Variants in TDP1 observed in about 807,000 individuals in gnomAD.
TDP1 encodes tyr-DNA phosphodiesterase 1.
A neutral mutation model predicts 81.5 loss-of-function variants in TDP1; 64 were observed. The observed-to-expected ratio is 0.79, with a 90% CI of 0.64 to 0.97. The LOEUF (loss-of-function observed/expected upper bound fraction) is 0.97, where lower values mean the gene tolerates loss of function less well. TDP1 is among the 50% of genes least tolerant of loss of function. The pLI is 0.00. For missense variants in TDP1, 723 were observed against 743.8 expected (o/e 0.97, Z 0.33); for synonymous variants, 256 against 264.3 (o/e 0.97, Z 0.30).
intron 16 of TDP1, among the ~76,000 whole-genome samples, chr14:90,037,843 A>T (rs578047689): frequency 6.6e-6 from 1 of 152,226 alleles, no homozygotes; most frequent in African/African-American, 2.4e-5. Flanking sequence ...CAAAAGAGAA[A>T]GTTCATGCAT....
At chr14:90,023,555 T>C (rs558962607) in intron 15 of TDP1, among the ~76,000 whole-genome samples, 1 of 152,352 alleles carries the variant, frequency 6.6e-6, no homozygotes, top group Admixed American at 6.5e-5. Context: ...ATTTATACTA[T>C]TTAAAAGGTA....
intron 3 of TDP1, 140 bp downstream of exon 3, chr14:89,963,813 C>A: frequency 1.1e-6 from 1 of 909,074 alleles, no homozygotes; most frequent in Non-Finnish European, 1.8e-6. Context: ...AAATTCTTGA[C>A]AGGCAAGTGC....
intron 2 of TDP1, among the ~76,000 whole-genome samples, chr14:89,958,050 G>A (rs991299641): frequency 1.3e-5 from 2 of 152,212 alleles, no homozygotes; most frequent in Non-Finnish European, 2.9e-5. Flanking sequence ...CCAAGTGCTG[G>A]CCCAGTCACA....
intron 13 of TDP1, 140 bp from the exon 14 acceptor site, chr14:89,993,236 A>T: frequency 7.6e-7 from 1 of 1,318,074 alleles, no homozygotes. Flanking sequence ...GGAGTTTCAT[A>T]AAATCTCACA....
chr14:89,993,281 G>T, intron 13 of TDP1, 95 bp from the exon 14 acceptor site: 8 of 1,270,846 alleles, frequency 6.3e-6, no homozygotes, highest in Non-Finnish European at 7.7e-6. Context: ...TTGATTTTTA[G>T]ATAATAGGCT....
rs755551706 is a variant in TDP1 at position 89,963,119 on chromosome 14, C to T, written c.5C>T (p.Ser2Phe). M[S>F]QEGDYGRWTI... ...CTTTTCATTTCCAGGAGTATAATGT[C>T]TCAGGAAGGCGATTATGGGAGGTGG... Residue 2 changes from serine (S) to phenylalanine (F), a missense_variant, in exon 3 of 17, where the codon TCT (serine) becomes TTT (phenylalanine). Ser to Phe is a radical substitution (Grantham distance 155). Coordinates refer to ENST00000335725, the MANE Select transcript of TDP1 (RefSeq NM_018319.4). 9 of 1,613,794 alleles carry T rather than the reference C, an allele frequency of 5.6e-6. No homozygotes were observed. Among genetic ancestry groups the T allele is most frequent in the Non-Finnish European group, 5.1e-6 (6 of 1,179,982 alleles).
intron 14 of TDP1, among the ~76,000 whole-genome samples, chr14:89,999,151 A>G (rs2140165348): frequency 6.6e-6 from 1 of 152,320 alleles, no homozygotes; most frequent in South Asian, 2.1e-4. Flanking sequence ...ATTATAAGTT[A>G]TTTAATAACC....
intron 5 of TDP1, among the ~76,000 whole-genome samples, chr14:89,968,125 T>C (rs1893162426): frequency 6.6e-6 from 1 of 151,578 alleles, no homozygotes; most frequent in Admixed American, 6.6e-5. Context: ...GATAAAATGC[T>C]GTTAAAATTT....
chr14:90,016,365 C>T (rs181857654), intron 14 of TDP1, among the ~76,000 whole-genome samples: 264 of 152,264 alleles, frequency 1.7e-3, no homozygotes, highest in African/African-American at 6.0e-3. Context: ...ATTTTTATAA[C>T]TCATGCGTTG....
intron 11 of TDP1, 135 bp downstream of exon 11, chr14:89,989,225 G>C: frequency 7.1e-7 from 1 of 1,399,096 alleles, no homozygotes; most frequent in Non-Finnish European, 9.6e-7. Context: ...GCGGGGGCGG[G>C]GTGCGGAAAG....
rs77213463 is a variant in TDP1 at position 90,032,379 on chromosome 14, A to G, written c.1645-727A>G. On this transcript the variant is annotated intron_variant, in intron 15 of 16. Transcript: ENST00000335725. ...GATGGGTGGACAGAAGGAATGAGAG[A>G]CAGACGGACAAGCAGAATGCCAGGA... Among the ~76,000 whole-genome samples the G allele has an allele frequency of 5.1e-4, 77 of 152,150 alleles. No individual in the cohort carries two copies. In the East Asian group the frequency reaches 0.015, roughly 29 times the overall value.
At chr14:90,030,457 G>T (rs2140312100) in intron 15 of TDP1, among the ~76,000 whole-genome samples, 1 of 152,244 alleles carries the variant, frequency 6.6e-6, no homozygotes, top group African/African-American at 2.4e-5. Context: ...TAGAAGAAGG[G>T]CACTTCTTCC....
At chr14:89,967,332 C>G (rs1194746237) in intron 4 of TDP1, 35 bp from the exon 5 acceptor site, 10 of 1,603,542 alleles carry the variant, frequency 6.2e-6, no homozygotes, top group Admixed American at 3.3e-5. Context: ...GCAGAATTAC[C>G]TATGGCTTAG....
At chr14:89,964,480 AC>A (rs1892701874) in intron 3 of TDP1, among the ~76,000 whole-genome samples, 1 of 152,246 alleles carries the variant, frequency 6.6e-6, no homozygotes, top group African/African-American at 2.4e-5. Flanking sequence ...TAATATATTC[AC>A]ATGGCAGATA....
In TDP1 at chr14:89,967,138, GGAACCT is replaced by G. The variant is rs1041478066; in HGVS notation, c.604-227_604-222del. 1.0e-5 allele frequency: 10 copies of G among 984,328 alleles called. No individual in the cohort carries two copies. The African/African-American group carries it at 1.4e-4, about 14-fold the overall frequency. 61.0% of individuals were successfully genotyped at this position (984,328 alleles called of 1,614,324 possible). A position where few individuals can be genotyped will look rare whatever the true frequency, so the allele number is the denominator to read the frequency against. On this transcript the variant is annotated intron_variant, in intron 4 of 16. Transcript: ENST00000335725. ...CAAAACATGCAGAGATAATTTCCTG[GGAACCT>G]GTTATCTCATGTACTTGGCTCCATT...
chr14:89,956,220 C>G (rs976870770), intron 1 of TDP1: 5 of 152,400 alleles, frequency 3.3e-5, no homozygotes, highest in African/African-American at 1.2e-4. Flanking sequence ...CTGTGTCCTG[C>G]CGGGGCGCGG....
chr14:89,984,832 CA>C (rs1895376358), intron 9 of TDP1, 149 bp downstream of exon 9: 1 of 1,556,226 alleles, frequency 6.4e-7, no homozygotes. Context: ...GATTCTATCA[CA>C]TCTGTATCTT....
intron 15 of TDP1, chr14:90,023,125 A>T (rs746246028): frequency 6.7e-6 from 5 of 746,722 alleles, no homozygotes; most frequent in Non-Finnish European, 9.8e-6. Context: ...ATTACAATAT[A>T]TGACAACAAC....
chr14:90,041,394 C>T (rs1201275437), intron 16 of TDP1, among the ~76,000 whole-genome samples: 1 of 152,218 alleles, frequency 6.6e-6, no homozygotes, highest in East Asian at 1.9e-4. Flanking sequence ...TTCAGACCAT[C>T]CCAAAGCCAG....
Sources: allele counts gnomAD v4.1 joint callset (sites outside exome capture counted in the v4.1 genomes callset), GRCh38; gene constraint gnomAD v4.1.1; transcripts MANE v1.5; gene names NCBI Gene and HGNC (gene_info 2026-07-23, HGNC 2026-07-21).